Variants in PHKA1 observed in about 807,000 individuals in gnomAD.
PHKA1 encodes the protein phosphorylase kinase regulatory subunit alpha 1.
PHKA1 carries 60 observed loss-of-function variants against 110.2 expected under a neutral mutation model. The observed-to-expected ratio is 0.54, with a 90% CI of 0.44 to 0.68. The LOEUF is 0.68. Among genes scored for constraint, PHKA1 ranks in the 30% least tolerant of loss-of-function variants. The pLI is 0.00. For synonymous variants in PHKA1, 316 were observed against 333.6 expected, an observed-to-expected ratio of 0.95 and a Z score of 0.58; for missense variants, 801 against 942.5, an observed-to-expected ratio of 0.85 and a Z score of 1.97.
At chrX:72,588,198 C>T (rs1556217774) in intron 29 of PHKA1, among the ~76,000 whole-genome samples, 15 of 112,191 alleles carry the variant, frequency 1.3e-4, no homozygotes. Flanking sequence ...CACTTCTCAG[C>T]AAATGTAAAA....
intron 8 of PHKA1, among the ~76,000 whole-genome samples, chrX:72,662,178 A>G (rs782106135): frequency 1.8e-5 from 2 of 112,272 alleles, no homozygotes; most frequent in African/African-American, 3.2e-5. Flanking sequence ...ATTACTCCAG[A>G]GTACAAGTAC....
At chrX:72,603,459 C>T in intron 25 of PHKA1, among the ~76,000 whole-genome samples, 1 of 111,609 alleles carries the variant, frequency 9.0e-6, no homozygotes, top group Non-Finnish European at 1.9e-5. Context: ...TCTTCTTCAC[C>T]CTGCTTCCAG....
chrX:72,626,935 T>C (rs782048534), intron 17 of PHKA1, 36 bp downstream of exon 17: 1 of 1,071,539 alleles, frequency 9.3e-7, no homozygotes, highest in Admixed American at 2.2e-5. Flanking sequence ...CTTAATTTCA[T>C]TTCATTTCAC....
chrX:72,605,967 ATTTT>A (rs1556250692), intron 23 of PHKA1, among the ~76,000 whole-genome samples: 5 of 112,379 alleles, frequency 4.4e-5, no homozygotes, highest in Non-Finnish European at 9.4e-5. Flanking sequence ...TACTAAATTA[ATTTT>A]AAGCTGTGCT....
intron 28 of PHKA1, among the ~76,000 whole-genome samples, chrX:72,594,632 C>T (rs1569425058): frequency 8.9e-6 from 1 of 112,291 alleles, no homozygotes; most frequent in African/African-American, 3.2e-5. Context: ...TTAGTAAGTA[C>T]AAAACTTCCT....
At position 72,582,707 on chromosome X, in the gene PHKA1, G is replaced by GC; in HGVS notation, c.3298-110dup. 4 of 556,952 alleles carry GC rather than the reference G, an allele frequency of 7.2e-6. No individual in the cohort carries two copies. In the Admixed American group the frequency reaches 1.1e-4, roughly 15 times the overall value. 45.9% of individuals were successfully genotyped at this position (556,952 alleles called of 1,213,427 possible). A position where few individuals can be genotyped will look rare whatever the true frequency, so the allele number is the denominator to read the frequency against. ...CACTGTAGCCATGAGCATTGATTCAGCCCCCTTCAAAATAACTGAGTGAGT... is the reference window on the plus strand; with the variant it reads ...CACTGTAGCCATGAGCATTGATTCAGCCCCCCTTCAAAATAACTGAGTGAGT... On this transcript the variant is annotated intron_variant, in intron 30 of 31. Coordinates refer to ENST00000373542, the MANE Select transcript of PHKA1 (RefSeq NM_002637.4).
intron 5 of PHKA1, among the ~76,000 whole-genome samples, chrX:72,681,500 G>C (rs2053870711): frequency 1.1e-5 from 1 of 92,795 alleles, no homozygotes; most frequent in Non-Finnish European, 2.3e-5. Flanking sequence ...GAGGTGGGGG[G>C]GTCAGCCCCC....
chrX:72,669,700 G>C (rs1357229234), intron 6 of PHKA1, among the ~76,000 whole-genome samples: 1 of 109,104 alleles, frequency 9.2e-6, no homozygotes, highest in African/African-American at 3.3e-5. Context: ...TCCCTACAAA[G>C]GACATGAACT....
chrX:72,696,958 T>C (rs915346241), intron 3 of PHKA1, among the ~76,000 whole-genome samples: 17 of 111,570 alleles, frequency 1.5e-4, no homozygotes, highest in Non-Finnish European at 2.3e-4. Flanking sequence ...ACAGAATCCC[T>C]GATCTCTCAA....
intron 4 of PHKA1, among the ~76,000 whole-genome samples, chrX:72,685,902 A>G (rs895238331): frequency 1.8e-5 from 2 of 112,042 alleles, no homozygotes; most frequent in Admixed American, 1.9e-4. Context: ...TCACAAAAAC[A>G]GATGTGTTGG....
chrX:72,589,785 T>C (rs782477355), intron 29 of PHKA1, among the ~76,000 whole-genome samples: 3 of 101,820 alleles, frequency 2.9e-5, no homozygotes, highest in South Asian at 5.0e-4. Flanking sequence ...ATACTAATAA[T>C]AAACAGAGAT....
At chrX:72,583,322 A>AT (rs1335163097) in intron 30 of PHKA1, among the ~76,000 whole-genome samples, 2 of 112,020 alleles carry the variant, frequency 1.8e-5, no homozygotes, top group African/African-American at 3.2e-5. Flanking sequence ...TTCTTTACCT[A>AT]TTTTACATAA....
intron 28 of PHKA1, among the ~76,000 whole-genome samples, chrX:72,594,376 T>C (rs1260620858): frequency 1.8e-5 from 2 of 109,912 alleles, no homozygotes; most frequent in African/African-American, 3.3e-5. Flanking sequence ...TTTTTTCCTA[T>C]GAAAATATCA....
intron 15 of PHKA1, 41 bp downstream of exon 15, chrX:72,636,236 T>C (rs782677344): frequency 1.2e-6 from 1 of 816,708 alleles, no homozygotes; most frequent in South Asian, 2.0e-5. Context: ...TTTCTTTTAT[T>C]TCCATTCATC....
chrX:72,706,414 T>C (rs1183510959), intron 2 of PHKA1, among the ~76,000 whole-genome samples: 1 of 111,898 alleles, frequency 8.9e-6, no homozygotes, highest in African/African-American at 3.2e-5. Context: ...TATATGACTT[T>C]GATGCTAATG....
chrX:72,591,826 C>T (rs1795196302), intron 29 of PHKA1, among the ~76,000 whole-genome samples: 1 of 112,017 alleles, frequency 8.9e-6, no homozygotes, highest in Admixed American at 9.5e-5. Flanking sequence ...TGATTTAAAA[C>T]AATATATTTT....
intron 3 of PHKA1, 82 bp downstream of exon 3, chrX:72,705,116 T>C (rs1556331839): frequency 3.8e-6 from 3 of 788,831 alleles, no homozygotes; most frequent in South Asian, 4.3e-5. Context: ...AAAGAAAATA[T>C]AAGCTATAAA....
At chrX:72,672,397 G>A (rs191699009) in intron 6 of PHKA1, among the ~76,000 whole-genome samples, 1 of 111,611 alleles carries the variant, frequency 9.0e-6, no homozygotes, top group African/African-American at 3.3e-5. Flanking sequence ...CAATGTCAAG[G>A]GGCCCCATCT....
chrX:72,609,667 T>C lies in PHKA1; in HGVS notation c.2563A>G (p.Thr855Ala). 2 of 1,206,226 alleles carry C rather than the reference T, an allele frequency of 1.7e-6. No homozygotes were observed. Among genetic ancestry groups the C allele is most frequent in the Non-Finnish European group, 2.2e-6 (2 of 890,475 alleles). ...CGAGGTTCTGGAGGAAGTCCTACTG[T>C]CAAATGTTTCTGGTGGGAGAGAAGG... ...TDLLSHQKHL[T>A]VGLPPEPREK... Residue 855 changes from threonine (T) to alanine (A), a missense_variant, in exon 23 of 32, where the codon ACA becomes GCA. Coordinates refer to ENST00000373542, the MANE Select transcript of PHKA1 (RefSeq NM_002637.4).
Sources: allele counts gnomAD v4.1 joint callset (sites outside exome capture counted in the v4.1 genomes callset), GRCh38; gene constraint gnomAD v4.1.1; transcripts MANE v1.5; gene names NCBI Gene and HGNC (gene_info 2026-07-23, HGNC 2026-07-21).